The following KCNH7 variants were observed in gnomAD, a reference collection of about 807,000 sequenced individuals.
KCNH7 encodes potassium voltage-gated channel subfamily H member 7.
A neutral mutation model predicts 120.8 loss-of-function variants in KCNH7; 49 were observed. The observed-to-expected ratio is 0.41, with a 90% CI of 0.32 to 0.51. The LOEUF (loss-of-function observed/expected upper bound fraction) is 0.51, where lower values mean the gene tolerates loss of function less well. Ranked by LOEUF, KCNH7 falls within the 20% of genes least tolerant of loss-of-function variation. The probability of loss-of-function intolerance (pLI) is 0.38; values close to 1 mark genes in which losing one functional copy is unlikely to be tolerated. For synonymous variants in KCNH7, 547 were observed against 516.1 expected, an observed-to-expected ratio of 1.06 and a Z score of -0.81; for missense variants, 1,097 against 1,446.6, an observed-to-expected ratio of 0.76 and a Z score of 3.92.
chr2:162,486,695 G>A (rs1231545906), intron 6 of KCNH7, among the ~76,000 whole-genome samples: 2 of 152,030 alleles, frequency 1.3e-5, no homozygotes, highest in Non-Finnish European at 1.5e-5. Flanking sequence ...TCATGTTTGA[G>A]TTGCACATAT....
intron 6 of KCNH7, among the ~76,000 whole-genome samples, chr2:162,456,450 T>C (rs892909168): frequency 1.3e-5 from 2 of 152,164 alleles, no homozygotes; most frequent in African/African-American, 4.8e-5. Context: ...TTAGAATAAG[T>C]GTCATGTGGC....
intron 6 of KCNH7, among the ~76,000 whole-genome samples, chr2:162,471,813 C>T (rs1222889337): frequency 6.6e-6 from 1 of 152,178 alleles, no homozygotes; most frequent in Non-Finnish European, 1.5e-5. Flanking sequence ...AAACTGGAGG[C>T]ATCATGCTAC....
intron 2 of KCNH7, among the ~76,000 whole-genome samples, chr2:162,571,147 C>T (rs550787887): frequency 2.2e-4 from 34 of 151,902 alleles, no homozygotes; most frequent in African/African-American, 8.2e-4. Flanking sequence ...CTAGAAAACC[C>T]CATTGTCTCA....
chr2:162,523,023 G>A (rs1691584242), intron 3 of KCNH7, among the ~76,000 whole-genome samples: 2 of 151,882 alleles, frequency 1.3e-5, no homozygotes, highest in African/African-American at 2.4e-5. Flanking sequence ...CTTTCTCTGT[G>A]AAAAGTCTAT....
At chr2:162,469,023 T>A (rs919387970) in intron 6 of KCNH7, among the ~76,000 whole-genome samples, 2 of 152,190 alleles carry the variant, frequency 1.3e-5, no homozygotes, top group African/African-American at 4.8e-5. Context: ...CCTAATTTTT[T>A]AATTTTTATT....
chr2:162,647,584 G>C (rs561807219), intron 2 of KCNH7, among the ~76,000 whole-genome samples: 8 of 152,058 alleles, frequency 5.3e-5, no homozygotes, highest in Non-Finnish European at 1.0e-4. Context: ...TACTGTTCTC[G>C]TGGTAGTAAA....
intron 2 of KCNH7, among the ~76,000 whole-genome samples, chr2:162,763,857 G>A (rs569971362): frequency 4.8e-4 from 73 of 151,478 alleles, no homozygotes; most frequent in Non-Finnish European, 7.7e-4. Flanking sequence ...AGTAGTCTCC[G>A]GAGATTAAAA....
chr2:162,559,054 C>CAAAAAAAAAAAAAAAAAAAAAAAA (rs780823559), intron 2 of KCNH7, among the ~76,000 whole-genome samples: 1 of 37,178 alleles, frequency 2.7e-5, no homozygotes, highest in Non-Finnish European at 5.6e-5. Context: ...GACTCTGCCT[C>CAAAAAAAAAAAAAAAAAAAAAAAA]AAAAAAAAAA....
intron 2 of KCNH7, among the ~76,000 whole-genome samples, chr2:162,735,233 T>G (rs1687859796): frequency 6.6e-6 from 1 of 152,176 alleles, no homozygotes; most frequent in African/African-American, 2.4e-5. Flanking sequence ...TACTCTAGTA[T>G]GAAGGCCAAG....
intron 2 of KCNH7, among the ~76,000 whole-genome samples, chr2:162,767,958 T>G (rs760215009): frequency 1.8e-4 from 28 of 152,174 alleles, no homozygotes; most frequent in Admixed American, 4.6e-4. Flanking sequence ...AATAGTATCC[T>G]ACAACATTTT....
intron 2 of KCNH7, among the ~76,000 whole-genome samples, chr2:162,818,844 C>T (rs926677536): frequency 2.6e-5 from 4 of 152,044 alleles, no homozygotes; most frequent in African/African-American, 7.2e-5. Context: ...AAACATGGCA[C>T]GGCAAGTGAC....
intron 2 of KCNH7, among the ~76,000 whole-genome samples, chr2:162,581,946 C>T (rs1693881629): frequency 6.6e-6 from 1 of 152,022 alleles, no homozygotes; most frequent in African/African-American, 2.4e-5. Context: ...GAGTTGCACT[C>T]CCCCTCAAAC....
At chr2:162,758,440 C>T (rs1310291297) in intron 2 of KCNH7, among the ~76,000 whole-genome samples, 1 of 152,014 alleles carries the variant, frequency 6.6e-6, no homozygotes, top group African/African-American at 2.4e-5. Flanking sequence ...TATACATACA[C>T]ACATATATTG....
chr2:162,647,672 G>A (rs1018667728), intron 2 of KCNH7, among the ~76,000 whole-genome samples: 4 of 152,084 alleles, frequency 2.6e-5, no homozygotes, highest in East Asian at 3.9e-4. Context: ...CATTTAAGAC[G>A]TGACTTTGCT....
chr2:162,637,735 A>T (rs960943355), intron 2 of KCNH7, among the ~76,000 whole-genome samples: 1 of 152,046 alleles, frequency 6.6e-6, no homozygotes, highest in African/African-American at 2.4e-5. Context: ...AAAACAAAAC[A>T]AAGAAAATTG....
chr2:162,727,317 T>C (rs1339096714), intron 2 of KCNH7, among the ~76,000 whole-genome samples: 1 of 152,194 alleles, frequency 6.6e-6, no homozygotes. Context: ...ATAATAGAGA[T>C]GTATAACAAA....
In KCNH7 at chr2:162,687,224, A is replaced by G. The variant is rs552235941; in HGVS notation, c.307+149313T>C. ...CACAACCTTGACGATTTGCGTTGCC[A>G]TGTAGTCATGGAGAAAATGTGCTCA... On this transcript the variant is annotated intron_variant, in intron 2 of 15. Coordinates refer to ENST00000332142, the MANE Select transcript of KCNH7 (RefSeq NM_033272.4). Among the ~76,000 whole-genome samples the G allele has an allele frequency of 8.5e-5, 13 of 152,182 alleles. No homozygotes were observed. In the South Asian group the frequency reaches 1.9e-3, roughly 22 times the overall value.
At chr2:162,423,032 T>G (rs576555700) in intron 9 of KCNH7, among the ~76,000 whole-genome samples, 1 of 152,266 alleles carries the variant, frequency 6.6e-6, no homozygotes, top group South Asian at 2.1e-4. Flanking sequence ...AATGAGGCCA[T>G]GCAGTAAAAA....
At chr2:162,542,598 G>A (rs1692347791) in intron 2 of KCNH7, among the ~76,000 whole-genome samples, 2 of 151,876 alleles carry the variant, frequency 1.3e-5, no homozygotes, top group African/African-American at 2.4e-5. Flanking sequence ...TTTTATGGCT[G>A]CACAATATTC....
Sources: allele counts gnomAD v4.1 joint callset (sites outside exome capture counted in the v4.1 genomes callset), GRCh38; gene constraint gnomAD v4.1.1; transcripts MANE v1.5; gene names NCBI Gene and HGNC (gene_info 2026-07-23, HGNC 2026-07-21).